The following GCNT2 variants were observed in gnomAD, a reference collection of about 807,000 sequenced individuals.
The protein encoded by GCNT2 is N-acetyllactosaminide beta-1,6-N-acetylglucosaminyl-transferase.
A neutral mutation model predicts 34.2 loss-of-function variants in GCNT2; 34 were observed. The ratio of observed to expected loss-of-function variants is 1.00; its 90% CI spans 0.76 to 1.32. The LOEUF is 1.32. Among genes scored for constraint, GCNT2 ranks in the 40% most tolerant of loss-of-function variants. GCNT2 has a pLI of 0.00. For synonymous variants in GCNT2, 212 were observed against 188.0 expected (o/e 1.13, Z -1.04); for missense variants, 584 against 489.4 (o/e 1.19, Z -1.82).
At chr6:10,610,905 G>A (rs1370458029) in intron 3 of GCNT2, among the ~76,000 whole-genome samples, 1 of 152,086 alleles carries the variant, frequency 6.6e-6, no homozygotes, top group Non-Finnish European at 1.5e-5. Context: ...TAAAATTCAG[G>A]GGTTTTCCTC....
At chr6:10,617,743 A>ATTTTTTTTTTTTTT (rs1254996839) in intron 3 of GCNT2, among the ~76,000 whole-genome samples, 4 of 112,794 alleles carry the variant, frequency 3.5e-5, no homozygotes, top group African/African-American at 1.2e-4. Context: ...CAGAGTCTGC[A>ATTTTTTTTTTTTTT]TTTCTTCTTT....
intron 3 of GCNT2, among the ~76,000 whole-genome samples, chr6:10,546,343 T>A (rs563000230): frequency 1.3e-5 from 2 of 152,182 alleles, no homozygotes; most frequent in South Asian, 4.2e-4. Context: ...AGCTTTTGAC[T>A]CCCCTAAAAC....
intron 3 of GCNT2, among the ~76,000 whole-genome samples, chr6:10,570,699 G>A (rs773896767): frequency 6.6e-6 from 1 of 152,162 alleles, no homozygotes; most frequent in Non-Finnish European, 1.5e-5. Flanking sequence ...GGGGCCTACT[G>A]AAAAAGGCCC....
At chr6:10,576,968 T>C (rs918954143) in intron 3 of GCNT2, among the ~76,000 whole-genome samples, 3 of 152,114 alleles carry the variant, frequency 2.0e-5, no homozygotes, top group Non-Finnish European at 4.4e-5. Context: ...TAGTCTCAGC[T>C]ACAGGAGGCT....
At chr6:10,608,624 A>G (rs1349075025) in intron 3 of GCNT2, among the ~76,000 whole-genome samples, 5 of 152,238 alleles carry the variant, frequency 3.3e-5, no homozygotes, top group Admixed American at 1.3e-4. Context: ...CCTTGAAACC[A>G]GGAGTTCAAA....
intron 3 of GCNT2, among the ~76,000 whole-genome samples, chr6:10,594,558 G>A (rs530176712): frequency 1.8e-4 from 28 of 152,250 alleles, no homozygotes; most frequent in Non-Finnish European, 3.7e-4. Flanking sequence ...CAATAATGAT[G>A]GCTACTTAGT....
At chr6:10,557,085 C>T (rs1762750448) in intron 3 of GCNT2, 1 of 1,590,868 alleles carries the variant, frequency 6.3e-7, no homozygotes, top group Non-Finnish European at 8.5e-7. Context: ...CTGCCCCCAG[C>T]TCATGCAATT....
chr6:10,622,873 G>T (rs921926281), intron 4 of GCNT2, among the ~76,000 whole-genome samples: 1 of 147,040 alleles, frequency 6.8e-6, no homozygotes, highest in African/African-American at 2.5e-5. Context: ...TTCTGCCTCA[G>T]CCTCCCAAGT....
intron 3 of GCNT2, chr6:10,556,043 C>CGGGGGT: frequency 9.2e-7 from 1 of 1,082,992 alleles, no homozygotes; most frequent in Non-Finnish European, 1.1e-6. Context: ...AACCAGGGGG[C>CGGGGGT]GGGGGTGGCA....
At chr6:10,559,806 G>T (rs1023594691) in intron 3 of GCNT2, among the ~76,000 whole-genome samples, 4 of 152,200 alleles carry the variant, frequency 2.6e-5, no homozygotes, top group African/African-American at 9.6e-5. Flanking sequence ...CATGTCCTGG[G>T]GCTTTGTTTC....
At chr6:10,546,630 G>T (rs1243903815) in intron 3 of GCNT2, among the ~76,000 whole-genome samples, 1 of 152,156 alleles carries the variant, frequency 6.6e-6, no homozygotes, top group Non-Finnish European at 1.5e-5. Context: ...TTGTACTCTA[G>T]CCTGGGTGAC....
intron 3 of GCNT2, among the ~76,000 whole-genome samples, chr6:10,606,088 G>A (rs1316472027): frequency 2.6e-5 from 4 of 152,230 alleles, no homozygotes; most frequent in Non-Finnish European, 5.9e-5. Context: ...GCCAAGGCAA[G>A]CAGATCACCT....
chr6:10,573,176 G>A, intron 3 of GCNT2: 1 of 964,888 alleles, frequency 1.0e-6, no homozygotes. Flanking sequence ...TGGATCTCTG[G>A]CAGCAGCTGG....
intron 3 of GCNT2, among the ~76,000 whole-genome samples, chr6:10,568,378 A>G (rs1459805542): frequency 6.6e-6 from 1 of 151,850 alleles, no homozygotes; most frequent in East Asian, 1.9e-4. Context: ...AGCACATTCC[A>G]TACGTTTTGT....
intron 3 of GCNT2, among the ~76,000 whole-genome samples, chr6:10,539,326 A>G (rs1761932161): frequency 1.3e-5 from 2 of 151,006 alleles, no homozygotes; most frequent in South Asian, 4.2e-4. Flanking sequence ...AGTTGCTGGG[A>G]TTACAGGTAT....
At position 10,529,171 on chromosome 6, in the gene GCNT2, C is replaced by G. The variant is rs768313775; in HGVS notation, c.260C>G (p.Thr87Arg). ...GTTCGAAGCCACTATGTAACAGAAA[C>G]ACTCTCTGAAGAAGAGGCTGGGTTC... ...YMVRSHYVTE[T>R]LSEEEAGFPL... The change falls in exon 3 of 5, where the codon ACA (threonine) becomes AGA (arginine). Residue 87 changes from threonine (T) to arginine (R), a missense_variant. Transcript: ENST00000495262. 55 of 1,613,976 alleles carry G rather than the reference C, an allele frequency of 3.4e-5. No homozygotes were observed. Among genetic ancestry groups the G allele is most frequent in the Non-Finnish European group, 4.5e-5 (53 of 1,180,020 alleles).
chr6:10,524,107 T>C (rs1238610056), intron 1 of GCNT2, among the ~76,000 whole-genome samples: 1 of 151,602 alleles, frequency 6.6e-6, no homozygotes, highest in African/African-American at 2.4e-5. Flanking sequence ...TGGATCTTGG[T>C]TTGTTTTTCA....
intron 3 of GCNT2, 99 bp from the exon 4 acceptor site, chr6:10,621,252 C>T: frequency 1.3e-6 from 1 of 785,878 alleles, no homozygotes; most frequent in South Asian, 1.5e-5. Context: ...AGGTAATAAA[C>T]TGAAAGAAAG....
rs201295923 is a variant in GCNT2, at chr6:10,529,446, G to A, written c.535G>A (p.Ala179Thr). Residue 179 changes from alanine to threonine, a missense_variant, in exon 3 of 5, where the codon GCC becomes ACC. Transcript: ENST00000495262. ...CCTGAACTGCCTGGAAGACCTTGTG[G>A]CCTCTGAAGTTCCCTGGAAGTATGT... is the stretch of plus-strand genomic sequence containing the variant. ...ADLNCLEDLV[A>T]SEVPWKYVIN... is the part of the protein sequence containing the mutation. The A allele has an allele frequency of 7.7e-5, 125 of 1,614,118 alleles. No individual in the cohort carries two copies. In the Admixed American group the frequency reaches 2.0e-3, roughly 26 times the overall value.
Sources: allele counts gnomAD v4.1 joint callset (sites outside exome capture counted in the v4.1 genomes callset), GRCh38; gene constraint gnomAD v4.1.1; transcripts MANE v1.5; gene names NCBI Gene and HGNC (gene_info 2026-07-23, HGNC 2026-07-21).